Variants in HS6ST3 observed in about 807,000 individuals in gnomAD.
HS6ST3 encodes the protein heparan-sulfate 6-O-sulfotransferase 3.
Under a neutral mutation model 36.7 loss-of-function variants are expected in HS6ST3, and 12 were observed. The ratio of observed to expected loss-of-function variants is 0.33; its 90% confidence interval spans 0.21 to 0.53. The LOEUF is 0.53. HS6ST3 is among the 20% of genes least tolerant of loss of function. The probability of loss-of-function intolerance (pLI) is 0.95; values close to 1 mark genes in which losing one functional copy is unlikely to be tolerated. For synonymous variants in HS6ST3, 240 were observed against 257.5 expected (o/e 0.93, Z 0.65); for missense variants, 584 against 640.9 (o/e 0.91, Z 0.96).
intron 1 of HS6ST3, among the ~76,000 whole-genome samples, chr13:96,680,725 A>G (rs978239573): frequency 6.6e-6 from 1 of 152,212 alleles, no homozygotes; most frequent in African/African-American, 2.4e-5. Flanking sequence ...TGACATAAGC[A>G]TCTTCCCTTC....
chr13:96,748,391 C>T (rs767942473), intron 1 of HS6ST3, among the ~76,000 whole-genome samples: 10 of 151,884 alleles, frequency 6.6e-5, no homozygotes, highest in Non-Finnish European at 1.3e-4. Flanking sequence ...GGGGGAAAAC[C>T]TTCTAAAACA....
chr13:96,656,357 C>A (rs2056624700), intron 1 of HS6ST3, among the ~76,000 whole-genome samples: 1 of 152,140 alleles, frequency 6.6e-6, no homozygotes, highest in African/African-American at 2.4e-5. Context: ...AGTTATGTCA[C>A]ATACCCTTTT....
At chr13:96,629,841 TC>T (rs951281698) in intron 1 of HS6ST3, among the ~76,000 whole-genome samples, 11 of 152,212 alleles carry the variant, frequency 7.2e-5, no homozygotes, top group African/African-American at 2.4e-4. Flanking sequence ...GTTTTTTTTT[TC>T]CTACCAATTT....
chr13:96,393,145 T>A (rs1456736066), intron 1 of HS6ST3, among the ~76,000 whole-genome samples: 1 of 152,166 alleles, frequency 6.6e-6, no homozygotes, highest in Non-Finnish European at 1.5e-5. Flanking sequence ...CCTTTCACCT[T>A]CCACCATGAT....
intron 1 of HS6ST3, among the ~76,000 whole-genome samples, chr13:96,517,227 A>T (rs1360396876): frequency 1.3e-5 from 2 of 152,244 alleles, no homozygotes; most frequent in South Asian, 2.1e-4. Context: ...TTAAAAAAAA[A>T]AAAAGCCAGT....
chr13:96,213,166 T>TG (rs1301721754), intron 1 of HS6ST3, among the ~76,000 whole-genome samples: 1 of 152,216 alleles, frequency 6.6e-6, no homozygotes, highest in Non-Finnish European at 1.5e-5. Context: ...ATTAACCCAT[T>TG]GGGGTTTTAT....
At chr13:96,451,727 G>T (rs1355870606) in intron 1 of HS6ST3, among the ~76,000 whole-genome samples, 9 of 152,102 alleles carry the variant, frequency 5.9e-5, no homozygotes, top group Admixed American at 5.9e-4. Flanking sequence ...CTTGTACGCT[G>T]CAAATTAACA....
intron 1 of HS6ST3, among the ~76,000 whole-genome samples, chr13:96,651,430 A>G (rs1361803921): frequency 6.6e-6 from 1 of 151,874 alleles, no homozygotes; most frequent in East Asian, 2.0e-4. Flanking sequence ...TCAGCGGGGC[A>G]CCTACCCCAA....
At chr13:96,374,633 C>T (rs1334701019) in intron 1 of HS6ST3, among the ~76,000 whole-genome samples, 2 of 152,044 alleles carry the variant, frequency 1.3e-5, no homozygotes, top group Non-Finnish European at 2.9e-5. Context: ...TAGATGTTTG[C>T]CATGGGATAA....
chr13:96,716,798 G>T (rs1875708058), intron 1 of HS6ST3, among the ~76,000 whole-genome samples: 1 of 152,090 alleles, frequency 6.6e-6, no homozygotes, highest in Non-Finnish European at 1.5e-5. Flanking sequence ...ACTTTTAAAA[G>T]ATAGCATACA....
intron 1 of HS6ST3, among the ~76,000 whole-genome samples, chr13:96,151,025 A>C (rs753704243): frequency 7.9e-5 from 12 of 152,216 alleles, no homozygotes; most frequent in Non-Finnish European, 1.3e-4. Context: ...GACATGCTTC[A>C]TAGACAGCAG....
intron 1 of HS6ST3, among the ~76,000 whole-genome samples, chr13:96,499,497 T>C (rs1048613318): frequency 2.6e-5 from 4 of 151,792 alleles, no homozygotes; most frequent in African/African-American, 9.7e-5. Flanking sequence ...ATTAAGTGAG[T>C]TTAAAGGCAA....
rs1183124518 is a variant in HS6ST3, at chr13:96,565,468, T to C, written c.708-267022T>C. ...ATGTTAGTATCATTTTCCTACTCCA[T>C]GGCAGTGACTGGAAATGGTTTATTC... is the stretch of plus-strand genomic sequence containing the variant. On this transcript the variant is annotated intron_variant, in intron 1 of 1. Coordinates refer to ENST00000376705, the MANE Select transcript of HS6ST3 (RefSeq NM_153456.4). 2.6e-5 allele frequency among the ~76,000 whole-genome samples: 4 copies of C among 152,186 alleles called. No homozygotes were observed. The South Asian group carries it at 8.3e-4, about 32-fold the overall frequency.
chr13:96,378,455 C>T (rs1436625130), intron 1 of HS6ST3, among the ~76,000 whole-genome samples: 3 of 152,148 alleles, frequency 2.0e-5, no homozygotes, highest in Admixed American at 2.0e-4. Context: ...AACAAGCTAC[C>T]TCATGATTCC....
chr13:96,653,492 G>C (rs2056614537), intron 1 of HS6ST3, among the ~76,000 whole-genome samples: 1 of 152,086 alleles, frequency 6.6e-6, no homozygotes, highest in Non-Finnish European at 1.5e-5. Flanking sequence ...AGTTTGCTGA[G>C]AATGATGGTT....
intron 1 of HS6ST3, among the ~76,000 whole-genome samples, chr13:96,796,902 A>G (rs1352337469): frequency 2.0e-5 from 3 of 152,088 alleles, no homozygotes; most frequent in Non-Finnish European, 4.4e-5. Context: ...TACAGTGAAT[A>G]TCATCTGTGA....
In HS6ST3 at chr13:96,195,195, A is replaced by G. The variant is rs956783229; in HGVS notation, c.707+103626A>G. Among the ~76,000 whole-genome samples the G allele has an allele frequency of 7.2e-5, 11 of 152,216 alleles. No homozygotes were observed. The East Asian group carries it at 2.1e-3, about 29-fold the overall frequency. ...TAAAACGGGAAACAAAAATAGCATT[A>G]ACAGACCCACATAGGAAATTATATT... On this transcript the variant is annotated intron_variant, in intron 1 of 1. Transcript: ENST00000376705.
intron 1 of HS6ST3, among the ~76,000 whole-genome samples, chr13:96,370,807 G>A (rs2055286031): frequency 6.6e-6 from 1 of 152,160 alleles, no homozygotes; most frequent in Admixed American, 6.5e-5. Context: ...TGGGGCAGGA[G>A]AATCGCTTGA....
chr13:96,262,741 T>C (rs2054672351), intron 1 of HS6ST3, among the ~76,000 whole-genome samples: 1 of 152,110 alleles, frequency 6.6e-6, no homozygotes. Flanking sequence ...AGGATGTCTC[T>C]TAAAAGAACA....
Sources: gnomAD v4.1 joint callset for allele counts (sites outside exome capture counted in the v4.1 genomes callset) on GRCh38, gnomAD v4.1.1 for gene constraint, MANE v1.5 for transcripts, NCBI Gene and HGNC (gene_info 2026-07-23, HGNC 2026-07-21) for gene names.